The following TPCN1 variants were observed in gnomAD, a reference collection of about 807,000 sequenced individuals.
The protein encoded by TPCN1 is two pore channel protein 1.
In TPCN1, 52 loss-of-function variants were observed where a neutral mutation model predicts 108.8. The observed-to-expected ratio is 0.48, with a 90% CI of 0.38 to 0.60. The LOEUF (loss-of-function observed/expected upper bound fraction) is 0.60. Ranked by LOEUF, TPCN1 falls within the 20% of genes least tolerant of loss-of-function variation. The probability of loss-of-function intolerance (pLI) is 0.00; values close to 1 mark genes in which losing one functional copy is unlikely to be tolerated. For synonymous variants in TPCN1, 446 were observed against 433.7 expected, an observed-to-expected ratio of 1.03 and a Z score of -0.35; for missense variants, 806 against 1,072.8, an observed-to-expected ratio of 0.75 and a Z score of 3.47.
At position 113,231,186 on chromosome 12, in the gene TPCN1, C is replaced by T. The variant is rs893386567; in HGVS notation, c.112+4222C>T. On this transcript the variant is annotated intron_variant, in intron 2 of 27. Coordinates refer to ENST00000335509, the MANE Select transcript of TPCN1 (RefSeq NM_017901.6). This position sits in a 1 kb window ranked among gnomAD's most constrained non-coding sequence, Gnocchi z 4.3. ...AGGCCTTCTCAGCACTGTACCTCCA[C>T]GCTCCATGTCTGGTTGGGCACCCCT... is the stretch of plus-strand genomic sequence containing the variant. Among the ~76,000 whole-genome samples the T allele has an allele frequency of 3.9e-5, 6 of 152,346 alleles. No individual in the cohort carries two copies. The highest frequency in any genetic ancestry group is 1.9e-4 in the East Asian group (1 of 5,192).
Position 113,293,314 on chromosome 12 carries a change from G to C in TPCN1, c.2299G>C (p.Asp767His). Residue 767 changes from aspartate to histidine, a missense_variant, in exon 27 of 28, where the codon GAC (aspartate) becomes CAC (histidine). Transcript: ENST00000335509. The part of the protein sequence containing the change: ...FLGRRSRTKS[D>H]LSLKMYQEEI... The stretch of plus-strand genomic sequence containing the variant: ...GGGACGGCGATCAAGGACCAAGAGC[G>C]ACCTGAGCCTGAAGATGTACCAGGA... 1 of 1,614,112 alleles carries C rather than the reference G, an allele frequency of 6.2e-7. No individual in the cohort carries two copies. The highest frequency in any genetic ancestry group is 8.5e-7 in the Non-Finnish European group (1 of 1,180,030).
intron 2 of TPCN1, among the ~76,000 whole-genome samples, chr12:113,251,928 G>A (rs1457604795): frequency 1.3e-5 from 2 of 152,212 alleles, no homozygotes; most frequent in Admixed American, 1.3e-4. Flanking sequence ...GGTTGCTGCA[G>A]GCTTTTAGGT....
Position 113,269,912 on chromosome 12 carries a change from T to C in TPCN1, c.748+67T>C, listed in dbSNP as rs2136634547. The C allele has an allele frequency of 6.4e-7, 1 of 1,563,748 alleles. No individual in the cohort carries two copies. The highest frequency in any genetic ancestry group is 1.1e-5 in the South Asian group (1 of 89,784). The stretch of plus-strand genomic sequence containing the variant: ...AGTTCACGGTGGATGAAAAATTATT[T>C]TGGGCCTGGCTCAGTGGCTCACGCC... On this transcript the variant is annotated intron_variant, in intron 7 of 27. Transcript: ENST00000335509. The surrounding 1 kb of genome is among the most constrained non-coding windows in gnomAD (Gnocchi z 5.0).
intron 3 of TPCN1, among the ~76,000 whole-genome samples, chr12:113,264,665 C>A (rs993120603): frequency 1.3e-5 from 2 of 148,332 alleles, no homozygotes; most frequent in Non-Finnish European, 3.0e-5. Flanking sequence ...GGTGACAGAG[C>A]AAGACTCTGT....
intron 22 of TPCN1, 61 bp from the exon 23 acceptor site, chr12:113,290,891 C>A: frequency 6.4e-7 from 1 of 1,556,928 alleles, no homozygotes; most frequent in East Asian, 2.2e-5. Flanking sequence ...CAAGAGGCCA[C>A]TTGAAATTGA....
At chr12:113,221,865 CAGGGG>C (rs1485190756) in intron 1 of TPCN1, among the ~76,000 whole-genome samples, 8 of 152,186 alleles carry the variant, frequency 5.3e-5, no homozygotes, top group Non-Finnish European at 1.2e-4. Context: ...GGCTCCCAGC[CAGGGG>C]CTGGGAGCAC....
chr12:113,222,092 A>G (rs1953256951), intron 1 of TPCN1, among the ~76,000 whole-genome samples: 1 of 152,148 alleles, frequency 6.6e-6, no homozygotes, highest in South Asian at 2.1e-4. Flanking sequence ...CGCGGAGGGA[A>G]CACTGGACCA....
In TPCN1 at chr12:113,276,423, G is replaced by A. The variant is rs1365951852; in HGVS notation, c.943-496G>A. On this transcript the variant is annotated intron_variant, in intron 10 of 27. Transcript: ENST00000335509. Reference sequence around the variant, plus strand: ...CACTCCCCTTTTTCCTGGGCCACACGTGAAGCAGTGACTCACAAGGAGAAG... The same window carrying A: ...CACTCCCCTTTTTCCTGGGCCACACATGAAGCAGTGACTCACAAGGAGAAG... Among the ~76,000 whole-genome samples the A allele has an allele frequency of 2.6e-5, 4 of 152,242 alleles. No homozygotes were observed. The East Asian group carries it at 7.7e-4, about 29-fold the overall frequency.
chr12:113,267,824 C>T lies in TPCN1; in HGVS notation c.415-19C>T. 1 of 1,589,938 alleles carries T rather than the reference C, an allele frequency of 6.3e-7. No homozygotes were observed. ...GGGCTGGGCTGGCCATGACACATCTCCACACCCTCTGGTCTCAGGTCCACG... is the reference window on the plus strand; with the variant it reads ...GGGCTGGGCTGGCCATGACACATCTTCACACCCTCTGGTCTCAGGTCCACG... On this transcript the variant is annotated intron_variant, in intron 4 of 27. Transcript: ENST00000335509.
At chr12:113,223,435 C>CT (rs1172851714) in intron 1 of TPCN1, among the ~76,000 whole-genome samples, 3,722 of 120,278 alleles carry the variant, frequency 0.031, 193 homozygotes, top group African/African-American at 0.09. Context: ...TCTGCTGAGT[C>CT]TTTTTTTTTT....
chr12:113,285,455 C>T (rs897814296), intron 17 of TPCN1, among the ~76,000 whole-genome samples: 1 of 152,226 alleles, frequency 6.6e-6, no homozygotes, highest in African/African-American at 2.4e-5. Flanking sequence ...ACTGCAACCT[C>T]AACCTCCTGG....
chr12:113,257,115 G>A lies in TPCN1; in HGVS notation c.113-3253G>A, dbSNP rs558883350. On this transcript the variant is annotated intron_variant, in intron 2 of 27. Transcript: ENST00000335509. The stretch of plus-strand genomic sequence containing the variant: ...TAGATGGTAAATAAACATATGGAAA[G>A]TTGTGCAACATTATTGTTAGGAAAA... 2.6e-5 allele frequency among the ~76,000 whole-genome samples: 4 copies of A among 152,312 alleles called. No individual in the cohort carries two copies. In the East Asian group the frequency reaches 7.7e-4, roughly 29 times the overall value.
At chr12:113,293,394 G>C (rs774536806) in intron 27 of TPCN1, 45 bp downstream of exon 27, 1 of 1,570,274 alleles carries the variant, frequency 6.4e-7, no homozygotes, top group Non-Finnish European at 8.8e-7. Flanking sequence ...CCCAAGCTAT[G>C]TCCTGGGAGG....
chr12:113,223,435 CTT>C (rs1172851714), intron 1 of TPCN1, among the ~76,000 whole-genome samples: 44 of 120,198 alleles, frequency 3.7e-4, no homozygotes, highest in African/African-American at 4.1e-4. Flanking sequence ...TCTGCTGAGT[CTT>C]TTTTTTTTTT....
In TPCN1 at chr12:113,290,933, T is replaced by C. The variant is rs774501533; in HGVS notation, c.1913-19T>C. 6.8e-6 allele frequency: 11 copies of C among 1,613,532 alleles called. No individual in the cohort carries two copies. In the South Asian group the frequency reaches 8.8e-5, roughly 13 times the overall value. On this transcript the variant is annotated intron_variant, in intron 22 of 27. Coordinates refer to ENST00000335509, the MANE Select transcript of TPCN1 (RefSeq NM_017901.6). ...AGTGGGGTCTCATCAGGATGCTTCT[T>C]TCTCTCTTCCCTCGGCAGTGACCCT...
At chr12:113,267,371 A>C (rs1351076476) in intron 4 of TPCN1, among the ~76,000 whole-genome samples, 3 of 151,644 alleles carry the variant, frequency 2.0e-5, no homozygotes, top group Non-Finnish European at 4.4e-5. Context: ...ACAAGACTAG[A>C]TATTAAATTT....
chr12:113,263,143 G>C (rs759367846), intron 3 of TPCN1, among the ~76,000 whole-genome samples: 2 of 151,972 alleles, frequency 1.3e-5, no homozygotes, highest in Non-Finnish European at 2.9e-5. Flanking sequence ...CTGGCTGATG[G>C]AATTTTTACT....
intron 2 of TPCN1, among the ~76,000 whole-genome samples, chr12:113,241,761 C>CGTGTGTGTGTGTGTGTGT (rs67580212): frequency 6.9e-6 from 1 of 144,376 alleles, no homozygotes; most frequent in African/African-American, 2.6e-5. Flanking sequence ...CGTGCCTCTG[C>CGTGTGTGTGTGTGTGTGT]GTGTGTGTGT....
intron 15 of TPCN1, among the ~76,000 whole-genome samples, chr12:113,281,676 C>A (rs1955889525): frequency 6.6e-6 from 1 of 152,020 alleles, no homozygotes; most frequent in South Asian, 2.1e-4. Context: ...GTAGCTGGGA[C>A]CACAGGTGCA....
Sources: gnomAD v4.1 joint callset for allele counts (sites outside exome capture counted in the v4.1 genomes callset) on GRCh38, gnomAD v4.1.1 for gene constraint, Gnocchi (gnomAD v3.1) non-coding constraint, MANE v1.5 for transcripts, NCBI Gene and HGNC (gene_info 2026-07-23, HGNC 2026-07-21) for gene names.